MTOR: variants seen among roughly 807,000 people sequenced by gnomAD.
MTOR encodes the protein mechanistic target of rapamycin kinase.
In MTOR, 70 loss-of-function variants were observed where a neutral mutation model predicts 319.8. The ratio of observed to expected loss-of-function variants is 0.22; its 90% confidence interval spans 0.18 to 0.27. The LOEUF is 0.27. Ranked by LOEUF, MTOR falls within the 10% of genes least tolerant of loss-of-function variation. The pLI is 1.00. For synonymous variants in MTOR, 1,183 were observed against 1,211.4 expected (o/e 0.98, Z 0.49); for missense variants, 1,890 against 3,274.4 (o/e 0.58, Z 10.32).
intron 1 of MTOR, among the ~76,000 whole-genome samples, chr1:11,259,752 G>A (rs1264366879): frequency 6.6e-6 from 1 of 152,142 alleles, no homozygotes; most frequent in Admixed American, 6.6e-5. Flanking sequence ...AGACCAGCCT[G>A]CCCAACATGG....
chr1:11,196,849 T>TA (rs78265735), intron 28 of MTOR, among the ~76,000 whole-genome samples: 13,557 of 133,720 alleles, frequency 0.1, 1,070 homozygotes, highest in African/African-American at 0.21. Context: ...CGACTCCATC[T>TA]AAAAAAAAAA....
chr1:11,226,999 G>A (rs1199474109), intron 19 of MTOR, among the ~76,000 whole-genome samples: 2 of 121,228 alleles, frequency 1.6e-5, no homozygotes, highest in Admixed American at 1.1e-4. Context: ...TAAATTATTA[G>A]AGTTAATAAG....
At chr1:11,215,682 A>G (rs1646444647) in intron 20 of MTOR, among the ~76,000 whole-genome samples, 1 of 152,206 alleles carries the variant, frequency 6.6e-6, no homozygotes, top group African/African-American at 2.4e-5. Context: ...CACTGCAGTC[A>G]AAAGGTGATA....
Position 11,139,570 on chromosome 1 carries a change from A to C in MTOR, c.4961T>G (p.Leu1654Arg), listed in dbSNP as rs771736155. Residue 1654 changes from leucine to arginine, a missense_variant, in exon 35 of 58, where the codon CTC (leucine) becomes CGC (arginine). Physicochemically the swap from Leu to Arg is moderately radical, Grantham distance 102. Transcript: ENST00000361445. ...CTTGCCGCACAGGCTTGCATACTTG[A>C]GCCAGGTTCTCATGTCTTCATGAGG... Reference protein sequence around the residue: ...VSPHEDMRTWLKYASLCGKSG... With the variant: ...VSPHEDMRTWRKYASLCGKSG... 6.2e-7 allele frequency: 1 copy of C among 1,614,126 alleles called. No homozygotes were observed. The highest frequency in any genetic ancestry group is 8.5e-7 in the Non-Finnish European group (1 of 1,180,018).
chr1:11,239,915 A>G (rs1248163064), intron 11 of MTOR, among the ~76,000 whole-genome samples: 3 of 151,928 alleles, frequency 2.0e-5, no homozygotes, highest in East Asian at 1.9e-4. Context: ...AAAAAAAAAA[A>G]AAAGAAAGAA....
intron 19 of MTOR, among the ~76,000 whole-genome samples, chr1:11,228,334 G>A (rs1434813172): frequency 6.6e-6 from 1 of 151,998 alleles, no homozygotes; most frequent in Non-Finnish European, 1.5e-5. Context: ...GATTATAGGC[G>A]TGCACCATCA....
intron 2 of MTOR, 76 bp from the exon 3 acceptor site, chr1:11,258,669 A>G (rs1374499798): frequency 4.6e-6 from 5 of 1,097,040 alleles, no homozygotes; most frequent in Non-Finnish European, 6.8e-6. Context: ...TGGCATCTAA[A>G]GATTAGATCC....
chr1:11,252,256 A>C (rs1649795254), intron 6 of MTOR, among the ~76,000 whole-genome samples: 1 of 152,034 alleles, frequency 6.6e-6, no homozygotes. Context: ...TATTATCTTT[A>C]AATTGTTTGT....
At chr1:11,230,482 G>A (rs1646980082) in intron 18 of MTOR, among the ~76,000 whole-genome samples, 1 of 152,188 alleles carries the variant, frequency 6.6e-6, no homozygotes, top group South Asian at 2.1e-4. Flanking sequence ...CCAAATTTCT[G>A]ATTGCTGCTA....
At chr1:11,150,104 G>A (rs1348106339) in intron 31 of MTOR, 22 bp downstream of exon 31, 5 of 1,596,730 alleles carry the variant, frequency 3.1e-6, no homozygotes, top group Non-Finnish European at 3.4e-6. Context: ...CCTTCACAGG[G>A]TGCCTGTGAG....
chr1:11,237,506 C>A (rs1647365152), intron 13 of MTOR, among the ~76,000 whole-genome samples: 1 of 152,004 alleles, frequency 6.6e-6, no homozygotes, highest in Non-Finnish European at 1.5e-5. Flanking sequence ...TAGGGAGGCG[C>A]TGGGAAGTCT....
rs1340102092 is a variant in MTOR, at chr1:11,234,000, T to A, written c.2331+143A>T. The A allele has an allele frequency of 4.3e-6, 5 of 1,162,034 alleles. No individual in the cohort carries two copies. The East Asian group carries it at 9.4e-5, about 22-fold the overall frequency. The allele number at this position is 1,162,034 out of a possible 1,614,324, so 72.0% of individuals were successfully genotyped here. ...GTATTCTTTAACTGAAAGTGCTTGA[T>A]ATGGCCCTTTGGTCTCCAAGCGTGA... On this transcript the variant is annotated intron_variant, in intron 14 of 57. Coordinates refer to ENST00000361445, the MANE Select transcript of MTOR (RefSeq NM_004958.4).
At chr1:11,258,024 C>T (rs980780406) in intron 3 of MTOR, among the ~76,000 whole-genome samples, 1 of 151,444 alleles carries the variant, frequency 6.6e-6, no homozygotes, top group Non-Finnish European at 1.5e-5. Flanking sequence ...GCACGAGAAT[C>T]GCTTGAACCC....
chr1:11,204,290 T>A (rs1457610681), intron 26 of MTOR, among the ~76,000 whole-genome samples: 1 of 152,252 alleles, frequency 6.6e-6, no homozygotes, highest in Non-Finnish European at 1.5e-5. Context: ...TACATTCAAC[T>A]ATTACACAGT....
intron 9 of MTOR, among the ~76,000 whole-genome samples, 172 bp downstream of exon 9, chr1:11,242,942 C>T (rs931339253): frequency 3.3e-5 from 5 of 152,168 alleles, no homozygotes; most frequent in African/African-American, 1.2e-4. Context: ...TATGTTATTT[C>T]ATTTGGAAAA....
rs1645905639 is a variant in MTOR at position 11,199,964 on chromosome 1, C to T, written c.3945-261G>A. On this transcript the variant is annotated intron_variant, in intron 26 of 57. Coordinates refer to ENST00000361445, the MANE Select transcript of MTOR (RefSeq NM_004958.4). The surrounding 1 kb of genome is among the most constrained non-coding windows in gnomAD (Gnocchi z 4.5). ...TTAATTAACCACATATGGCTAGTGT[C>T]TACTGAATTTTACACTGCAGGTACA... Among the ~76,000 whole-genome samples the T allele has an allele frequency of 6.6e-6, 1 of 152,134 alleles. No homozygotes were observed. Among genetic ancestry groups the T allele is most frequent in the Non-Finnish European group, 1.5e-5 (1 of 68,038 alleles).
chr1:11,141,437 C>T (rs574142986), intron 34 of MTOR, among the ~76,000 whole-genome samples: 4 of 151,830 alleles, frequency 2.6e-5, no homozygotes, highest in East Asian at 3.9e-4. Flanking sequence ...GGCTCGGTCT[C>T]GGCTCACTGC....
intron 39 of MTOR, among the ~76,000 whole-genome samples, chr1:11,130,269 G>A (rs865879395): frequency 6.6e-5 from 10 of 152,358 alleles, no homozygotes; most frequent in Middle Eastern, 3.4e-3. Context: ...GGTGCAGCAC[G>A]TAGAGAATGA....
chr1:11,209,608 A>G, intron 24 of MTOR, 150 bp from the exon 25 acceptor site: 1 of 839,840 alleles, frequency 1.2e-6, no homozygotes, highest in Admixed American at 2.5e-5. Context: ...AATGAACCAC[A>G]GATGGGCTGA....
Sources: allele counts gnomAD v4.1 joint callset (sites outside exome capture counted in the v4.1 genomes callset), GRCh38; gene constraint gnomAD v4.1.1; non-coding constraint Gnocchi (gnomAD v3.1); transcripts MANE v1.5; gene names NCBI Gene and HGNC (gene_info 2026-07-23, HGNC 2026-07-21).